CCDC33: variants seen among roughly 807,000 people sequenced by gnomAD.
CCDC33 encodes the protein coiled-coil domain containing 33.
Under a neutral mutation model 91.9 loss-of-function variants are expected in CCDC33, and 94 were observed. The ratio of observed to expected loss-of-function variants is 1.02; its 90% confidence interval spans 0.87 to 1.21. The LOEUF (loss-of-function observed/expected upper bound fraction) is 1.21. CCDC33 is among the 50% of genes most tolerant of loss of function. The pLI is 0.00. For synonymous variants in CCDC33, 396 were observed against 374.5 expected (o/e 1.06, Z -0.66); for missense variants, 940 against 935.5 (o/e 1.00, Z -0.06).
At chr15:74,303,699 G>C (rs1159017568) in intron 11 of CCDC33, 1 of 152,742 alleles carries the variant, frequency 6.5e-6, no homozygotes, top group African/African-American at 2.4e-5. Flanking sequence ...CCCAGGCCCA[G>C]CTCCCCGAAG....
At chr15:74,292,320 C>T (rs1240943500) in intron 10 of CCDC33, among the ~76,000 whole-genome samples, 4 of 152,314 alleles carry the variant, frequency 2.6e-5, no homozygotes, top group African/African-American at 4.8e-5. Flanking sequence ...TCTATGGTCT[C>T]GAGCAGCCTG....
intron 7 of CCDC33, among the ~76,000 whole-genome samples, chr15:74,277,055 A>C (rs351169): frequency 0.98 from 148,689 of 152,292 alleles, 72,676 homozygotes; most frequent in East Asian, 1. Flanking sequence ...AGGCATCTGG[A>C]ATGGAGAAGC....
chr15:74,330,482 C>G, intron 12 of CCDC33, 128 bp downstream of exon 12: 3 of 1,192,126 alleles, frequency 2.5e-6, no homozygotes, highest in Non-Finnish European at 3.5e-6. Flanking sequence ...ATAGGAGCCC[C>G]TCGCCCACAG....
chr15:74,205,365 TCAGGAAAC>T (rs2074237083), intron 1 of CCDC33, among the ~76,000 whole-genome samples: 2 of 152,052 alleles, frequency 1.3e-5, no homozygotes, highest in South Asian at 4.1e-4. Flanking sequence ...GGGGAGGGCC[TCAGGAAAC>T]CCACAATCGT....
At chr15:74,239,025 G>A (rs923103055) in intron 1 of CCDC33, among the ~76,000 whole-genome samples, 1 of 152,202 alleles carries the variant, frequency 6.6e-6, no homozygotes, top group Non-Finnish European at 1.5e-5. Context: ...GAAGGAACAT[G>A]GGGGACCATT....
chr15:74,332,671 G>A lies in CCDC33; in HGVS notation c.1772-8G>A, dbSNP rs1301179875. ...CCATCTCACCAACATCTGTGGCCGTGTCTCTAGGCTTCCCTATGCTCTCAG... is the reference window on the plus strand; with the variant it reads ...CCATCTCACCAACATCTGTGGCCGTATCTCTAGGCTTCCCTATGCTCTCAG... On this transcript the variant is annotated splice_region_variant and splice_polypyrimidine_tract_variant and intron_variant, in intron 15 of 18. Transcript: ENST00000398814. The A allele has an allele frequency of 1.2e-6, 2 of 1,613,016 alleles. No homozygotes were observed. The highest frequency in any genetic ancestry group is 1.7e-5 in the Admixed American group (1 of 59,970).
intron 3 of CCDC33, among the ~76,000 whole-genome samples, chr15:74,266,132 C>T (rs535352639): frequency 2.0e-5 from 3 of 152,266 alleles, no homozygotes; most frequent in Admixed American, 6.5e-5. Flanking sequence ...ACTAGTTTTC[C>T]CTTACTTGTA....
chr15:74,335,361 G>C lies in CCDC33; in HGVS notation c.2139+273G>C, dbSNP rs1025293698. ...ACTCAAGGAGATGACTGTGGATGAGGGGTCCATGCAGGCATCTCCAGGATG... is the reference window on the plus strand; with the variant it reads ...ACTCAAGGAGATGACTGTGGATGAGCGGTCCATGCAGGCATCTCCAGGATG... On this transcript the variant is annotated intron_variant, in intron 18 of 18. Coordinates refer to ENST00000398814, the MANE Select transcript of CCDC33 (RefSeq NM_025055.5). 1.7e-5 allele frequency: 10 copies of C among 598,528 alleles called. No homozygotes were observed. The East Asian group carries it at 2.5e-4, about 15-fold the overall frequency. 37.1% of individuals were successfully genotyped at this position (598,528 alleles called of 1,614,324 possible).
At chr15:74,313,618 C>CT (rs746326422) in intron 11 of CCDC33, among the ~76,000 whole-genome samples, 1 of 151,954 alleles carries the variant, frequency 6.6e-6, no homozygotes, top group Non-Finnish European at 1.5e-5. Flanking sequence ...CGGGGTTTCG[C>CT]CATATTGGCC....
intron 5 of CCDC33, among the ~76,000 whole-genome samples, chr15:74,270,477 C>T (rs2076284052): frequency 6.6e-6 from 1 of 152,072 alleles, no homozygotes; most frequent in African/African-American, 2.4e-5. Flanking sequence ...CAGGGAATAA[C>T]GTGACCCAGT....
At chr15:74,247,985 G>T (rs780634416) in intron 2 of CCDC33, among the ~76,000 whole-genome samples, 2 of 152,162 alleles carry the variant, frequency 1.3e-5, no homozygotes, top group Non-Finnish European at 2.9e-5. Context: ...GCTGAGGCAG[G>T]AGAATCACTT....
chr15:74,276,771 C>G (rs536085845), intron 7 of CCDC33, among the ~76,000 whole-genome samples: 1 of 152,342 alleles, frequency 6.6e-6, no homozygotes, highest in Admixed American at 6.5e-5. Flanking sequence ...TGCCCCTTCC[C>G]ACCTCCAGCC....
intron 9 of CCDC33, 52 bp from the exon 10 acceptor site, chr15:74,281,726 G>A: frequency 1.3e-6 from 2 of 1,496,724 alleles, no homozygotes; most frequent in South Asian, 1.1e-5. Flanking sequence ...GTGGGGCAGA[G>A]GCGGAAGCTG....
At chr15:74,289,915 T>C (rs2059553794) in intron 10 of CCDC33, among the ~76,000 whole-genome samples, 1 of 152,206 alleles carries the variant, frequency 6.6e-6, no homozygotes, top group African/African-American at 2.4e-5. Context: ...AAACTGGACA[T>C]TGAACACTCC....
intron 11 of CCDC33, among the ~76,000 whole-genome samples, chr15:74,317,023 C>A (rs894417920): frequency 2.6e-5 from 4 of 152,162 alleles, no homozygotes; most frequent in Non-Finnish European, 5.9e-5. Flanking sequence ...TGTGCCACTC[C>A]CCTACTTGTC....
chr15:74,254,367 A>G (rs1326532979), intron 2 of CCDC33, among the ~76,000 whole-genome samples: 2 of 152,138 alleles, frequency 1.3e-5, no homozygotes, highest in Non-Finnish European at 2.9e-5. Context: ...CAGAAATCCA[A>G]ATGTTTGTGT....
intron 1 of CCDC33, among the ~76,000 whole-genome samples, chr15:74,207,217 A>C (rs2074278733): frequency 6.6e-6 from 1 of 152,228 alleles, no homozygotes; most frequent in Non-Finnish European, 1.5e-5. Flanking sequence ...AGCTTAGAAG[A>C]AGCTAACAGC....
intron 2 of CCDC33, among the ~76,000 whole-genome samples, chr15:74,248,902 G>A (rs540588397): frequency 1.3e-4 from 20 of 152,158 alleles, no homozygotes; most frequent in Admixed American, 3.3e-4. Context: ...TGCATCCAAC[G>A]GGCATCTCAT....
intron 10 of CCDC33, 33 bp from the exon 11 acceptor site, chr15:74,295,721 G>C (rs2059672642): frequency 1.3e-6 from 2 of 1,576,408 alleles, no homozygotes; most frequent in Non-Finnish European, 1.7e-6. Context: ...GAAGGGGCCT[G>C]TCCTGAAGTT....
Sources: allele counts gnomAD v4.1 joint callset (sites outside exome capture counted in the v4.1 genomes callset), GRCh38; gene constraint gnomAD v4.1.1; transcripts MANE v1.5; gene names NCBI Gene and HGNC (gene_info 2026-07-23, HGNC 2026-07-21).